Variants in EFCAB5 observed in about 807,000 individuals in gnomAD.
EFCAB5 encodes the protein EF-hand calcium binding domain 5.
Under a neutral mutation model 167.9 loss-of-function variants are expected in EFCAB5, and 131 were observed. The ratio of observed to expected loss-of-function variants is 0.78; its 90% CI spans 0.68 to 0.90. The LOEUF (loss-of-function observed/expected upper bound fraction) is 0.90. EFCAB5 is among the 40% of genes least tolerant of loss of function. The pLI is 0.00. For synonymous variants in EFCAB5, 574 were observed against 602.8 expected (o/e 0.95, Z 0.70); for missense variants, 1,663 against 1,745.2 (o/e 0.95, Z 0.84).
chr17:29,993,271 C>T lies in EFCAB5; in HGVS notation c.874C>T (p.Gln292Ter). The change falls in exon 5 of 23, where the codon CAA becomes TAA. Residue 292 changes from glutamine to a stop codon, truncating the protein, a stop_gained. Transcript: ENST00000394835. LOFTEE classifies it high-confidence loss of function. ...CACACGGAAACAGGCTCTGCAGGAG[C>T]AATTCGATGAATGGATTCTAGACCC... ...ANTRKQALQE[Q>*]FDEWILDPKG... is the part of the protein sequence containing the mutation. 1 of 1,613,712 alleles carries T rather than the reference C, an allele frequency of 6.2e-7. No homozygotes were observed. The highest frequency in any genetic ancestry group is 1.1e-5 in the South Asian group (1 of 91,026).
At chr17:30,096,804 C>G (rs2151854690) in intron 22 of EFCAB5, among the ~76,000 whole-genome samples, 1 of 147,274 alleles carries the variant, frequency 6.8e-6, no homozygotes, top group South Asian at 2.1e-4. Flanking sequence ...CTCAGCCTCC[C>G]CAGTAGCTGG....
In EFCAB5 at chr17:30,069,373, G is replaced by T. The variant is rs1027123983; in HGVS notation, c.2738-8842G>T. The T allele has an allele frequency of 5.8e-6, 9 of 1,557,248 alleles. No individual in the cohort carries two copies. In the African/African-American group the frequency reaches 1.2e-4, roughly 21 times the overall value. ...GACTAATTGGTGAAATGAACAGCTT[G>T]TTTGATGAAGTGAGGCAGATCAAAG... On this transcript the variant is annotated intron_variant, in intron 14 of 22. Transcript: ENST00000394835.
chr17:30,094,566 C>T (rs2071261559), intron 22 of EFCAB5, among the ~76,000 whole-genome samples: 1 of 151,054 alleles, frequency 6.6e-6, no homozygotes, highest in Non-Finnish European at 1.5e-5. Context: ...GCCTGTAATC[C>T]CAGCTACTCA....
chr17:30,011,430 T>C (rs1213235795), intron 7 of EFCAB5, among the ~76,000 whole-genome samples: 1 of 152,174 alleles, frequency 6.6e-6, no homozygotes, highest in African/African-American at 2.4e-5. Flanking sequence ...ATTCTTCCTA[T>C]CCATGAGCAT....
At position 30,087,177 on chromosome 17, in the gene EFCAB5, T is replaced by G. The variant is rs2071105815; in HGVS notation, c.3683+11T>G. On this transcript the variant is annotated intron_variant, in intron 19 of 22. Coordinates refer to ENST00000394835, the MANE Select transcript of EFCAB5 (RefSeq NM_198529.4). Reference sequence around the variant, plus strand: ...GTCATGCATCTTCAGGTTAGAGACATGTCTGTTTTGTTTGACTGCTAGAAC... The same window carrying G: ...GTCATGCATCTTCAGGTTAGAGACAGGTCTGTTTTGTTTGACTGCTAGAAC... 6.2e-7 allele frequency: 1 copy of G among 1,611,320 alleles called. No individual in the cohort carries two copies. Among genetic ancestry groups the G allele is most frequent in the Admixed American group, 1.7e-5 (1 of 59,984 alleles).
At chr17:30,007,287 G>A (rs949065631) in intron 7 of EFCAB5, among the ~76,000 whole-genome samples, 3 of 152,128 alleles carry the variant, frequency 2.0e-5, no homozygotes, top group Non-Finnish European at 2.9e-5. Flanking sequence ...TACTTTGTCT[G>A]CTGTTGATGA....
intron 13 of EFCAB5, among the ~76,000 whole-genome samples, chr17:30,058,131 C>T (rs2070326382): frequency 1.3e-5 from 2 of 152,152 alleles, no homozygotes; most frequent in African/African-American, 4.8e-5. Context: ...GTTTATTGTA[C>T]AGCTTTATTC....
At chr17:29,956,297 AT>A (rs1450016506) in intron 3 of EFCAB5, among the ~76,000 whole-genome samples, 2 of 152,260 alleles carry the variant, frequency 1.3e-5, no homozygotes, top group African/African-American at 4.8e-5. Flanking sequence ...ACAAAGAACA[AT>A]TCAGGAATCA....
intron 7 of EFCAB5, among the ~76,000 whole-genome samples, chr17:30,033,180 G>C (rs2069524696): frequency 6.6e-6 from 1 of 151,904 alleles, no homozygotes; most frequent in Non-Finnish European, 1.5e-5. Flanking sequence ...TCGGGTTCAC[G>C]CCATTCTCCT....
In EFCAB5 at chr17:30,028,053, G is replaced by A. The variant is rs116936302; in HGVS notation, c.1045-6177G>A. Among the ~76,000 whole-genome samples, 812 of 152,228 alleles carry A rather than the reference G, an allele frequency of 5.3e-3. 7 individuals are homozygous for A. Among genetic ancestry groups the A allele is most frequent in the Middle Eastern group, 0.01 (3 of 294 alleles). ...ATATTGACTTTTGATTCTGCTACAC[G>A]GAGGAACTGTTGTATCCCTTAGCCA... On this transcript the variant is annotated intron_variant, in intron 7 of 22. Transcript: ENST00000394835.
chr17:29,972,626 G>T (rs2067981713), intron 4 of EFCAB5: 1 of 154,940 alleles, frequency 6.5e-6, no homozygotes, highest in African/African-American at 2.4e-5. Flanking sequence ...GTGGACCCTG[G>T]TCTCATTGGA....
chr17:29,981,631 G>A (rs1184577988), intron 4 of EFCAB5, among the ~76,000 whole-genome samples: 1 of 152,188 alleles, frequency 6.6e-6, no homozygotes, highest in Non-Finnish European at 1.5e-5. Context: ...TGTCTTATGA[G>A]TAATGCTCAA....
chr17:30,088,729 C>T (rs111965940), intron 19 of EFCAB5, among the ~76,000 whole-genome samples: 2,407 of 152,322 alleles, frequency 0.016, 65 homozygotes, highest in African/African-American at 0.054. Context: ...TAGGGGGTCA[C>T]TGTCGTTGAG....
chr17:30,057,921 T>C (rs377418369), intron 13 of EFCAB5, 31 bp downstream of exon 13: 5 of 1,579,906 alleles, frequency 3.2e-6, no homozygotes, highest in Non-Finnish European at 4.3e-6. Flanking sequence ...ATGATACAAG[T>C]GAGGTCACTA....
At chr17:30,035,158 A>T (rs947761357) in intron 8 of EFCAB5, among the ~76,000 whole-genome samples, 4 of 152,166 alleles carry the variant, frequency 2.6e-5, no homozygotes, top group Non-Finnish European at 4.4e-5. Flanking sequence ...TAAAATCTGA[A>T]ATGTCTATGT....
chr17:29,952,292 A>G (rs1169335101), intron 3 of EFCAB5, among the ~76,000 whole-genome samples: 1 of 152,230 alleles, frequency 6.6e-6, no homozygotes, highest in Non-Finnish European at 1.5e-5. Flanking sequence ...ACTTCCCTAA[A>G]GGTACCACCT....
intron 22 of EFCAB5, among the ~76,000 whole-genome samples, chr17:30,096,872 G>T (rs1254979932): frequency 3.4e-5 from 5 of 146,718 alleles, no homozygotes; most frequent in African/African-American, 1.2e-4. Context: ...TAGAGACGGG[G>T]TTGCACCATG....
intron 7 of EFCAB5, among the ~76,000 whole-genome samples, chr17:30,006,737 C>T (rs2068781246): frequency 6.6e-6 from 1 of 152,214 alleles, no homozygotes; most frequent in African/African-American, 2.4e-5. Flanking sequence ...GCAGCCTCAA[C>T]CTCCTGGGCT....
At chr17:29,957,398 G>A (rs1209517480) in intron 3 of EFCAB5, among the ~76,000 whole-genome samples, 1 of 152,024 alleles carries the variant, frequency 6.6e-6, no homozygotes, top group Non-Finnish European at 1.5e-5. Flanking sequence ...CATGTGCTAT[G>A]GTTGTTTGCT....
Sources: gnomAD v4.1 joint callset for allele counts (sites outside exome capture counted in the v4.1 genomes callset) on GRCh38, gnomAD v4.1.1 for gene constraint, MANE v1.5 for transcripts, NCBI Gene and HGNC (gene_info 2026-07-23, HGNC 2026-07-21) for gene names.